DAW1: variants seen among roughly 807,000 people sequenced by gnomAD.
DAW1 encodes the protein dynein assembly factor with WD repeat domains 1.
DAW1 carries 47 observed loss-of-function variants against 56.5 expected under a neutral mutation model. That is an observed-to-expected ratio of 0.83 (90% CI 0.66 to 1.06). DAW1 has a LOEUF of 1.06. DAW1 is among the 50% of genes least tolerant of loss of function. The pLI, the probability that DAW1 is intolerant of heterozygous loss-of-function variation, is 0.00. For missense variants in DAW1, 505 were observed against 499.3 expected, an observed-to-expected ratio of 1.01 and a Z score of -0.11; for synonymous variants, 190 against 179.0, an observed-to-expected ratio of 1.06 and a Z score of -0.49.
chr2:227,875,959 T>C (rs1190859364), intron 1 of DAW1, among the ~76,000 whole-genome samples: 5 of 152,066 alleles, frequency 3.3e-5, no homozygotes, highest in Non-Finnish European at 1.5e-5. Context: ...CTTCCTGAAG[T>C]GTGAAAGGGC....
chr2:227,872,247 A>G (rs1456300977), intron 1 of DAW1: 2 of 150,054 alleles, frequency 1.3e-5, no homozygotes, highest in African/African-American at 4.9e-5. Context: ...TCTAATTCAG[A>G]ACTCGTCTTC....
chr2:227,917,886 A>T (rs1574673574), intron 10 of DAW1, among the ~76,000 whole-genome samples: 1 of 152,284 alleles, frequency 6.6e-6, no homozygotes, highest in East Asian at 1.9e-4. Flanking sequence ...ATGATATTTT[A>T]CTTTTCTCTG....
At chr2:227,893,114 A>T (rs1468958700) in intron 4 of DAW1, among the ~76,000 whole-genome samples, 2 of 151,926 alleles carry the variant, frequency 1.3e-5, no homozygotes, top group African/African-American at 2.4e-5. Context: ...CTAAAAATAA[A>T]AAAAAAAATT....
At chr2:227,894,173 G>A (rs752876174) in intron 5 of DAW1, among the ~76,000 whole-genome samples, 2 of 152,002 alleles carry the variant, frequency 1.3e-5, no homozygotes, top group African/African-American at 2.4e-5. Context: ...AGGCCGAGGC[G>A]GTGGATCACT....
chr2:227,892,137 A>C (rs918145955), intron 4 of DAW1, among the ~76,000 whole-genome samples: 7 of 147,398 alleles, frequency 4.7e-5, no homozygotes, highest in Non-Finnish European at 1.1e-4. Flanking sequence ...TAACTTAATA[A>C]TTTTTTTTTT....
In DAW1 at chr2:227,921,575, C is replaced by A; in HGVS notation, c.1213+14C>A. ...TAGTCATTACAGGTATGGAAGACAT[C>A]AACACCATAGACTCATTTTTTCTTG... On this transcript the variant is annotated intron_variant, in intron 12 of 12. Transcript: ENST00000309931. 1 of 1,608,496 alleles carries A rather than the reference C, an allele frequency of 6.2e-7. No homozygotes were observed. Among genetic ancestry groups the A allele is most frequent in the Non-Finnish European group, 8.5e-7 (1 of 1,176,710 alleles).
chr2:227,899,645 GA>G (rs1483221914), intron 6 of DAW1, among the ~76,000 whole-genome samples: 1 of 152,130 alleles, frequency 6.6e-6, no homozygotes, highest in East Asian at 1.9e-4. Flanking sequence ...ATATTCACTG[GA>G]AAAAAAGATA....
intron 2 of DAW1, 151 bp downstream of exon 2, chr2:227,885,574 G>A: frequency 2.0e-6 from 1 of 489,486 alleles, no homozygotes; most frequent in Non-Finnish European, 3.4e-6. Flanking sequence ...GTTTCAGGGA[G>A]TTGTATCTGA....
chr2:227,876,138 C>A (rs930236040), intron 1 of DAW1, among the ~76,000 whole-genome samples: 10 of 152,084 alleles, frequency 6.6e-5, no homozygotes, highest in Non-Finnish European at 1.2e-4. Context: ...GCCTCAGCCT[C>A]CTGAGTAGCT....
intron 1 of DAW1, among the ~76,000 whole-genome samples, chr2:227,881,366 CA>C (rs1233271032): frequency 6.6e-6 from 1 of 152,210 alleles, no homozygotes; most frequent in African/African-American, 2.4e-5. Flanking sequence ...GAACACAAAT[CA>C]CAGGCCTGCT....
intron 5 of DAW1, among the ~76,000 whole-genome samples, chr2:227,896,493 A>G (rs1178351809): frequency 2.0e-5 from 3 of 151,968 alleles, no homozygotes; most frequent in Non-Finnish European, 4.4e-5. Flanking sequence ...TCTTCGCCTG[A>G]TGATTTATGT....
intron 1 of DAW1, among the ~76,000 whole-genome samples, chr2:227,883,823 T>A (rs1241390571): frequency 6.6e-6 from 1 of 152,236 alleles, no homozygotes; most frequent in East Asian, 1.9e-4. Flanking sequence ...ACAAAAACTT[T>A]ATAAAAATAA....
chr2:227,874,557 C>T (rs1167195274), intron 1 of DAW1, among the ~76,000 whole-genome samples: 2 of 152,196 alleles, frequency 1.3e-5, no homozygotes, highest in Non-Finnish European at 2.9e-5. Context: ...GCTTCCAGGA[C>T]ACATATTCTA....
intron 1 of DAW1, among the ~76,000 whole-genome samples, chr2:227,878,527 GC>G (rs1446545779): frequency 6.6e-6 from 1 of 152,170 alleles, no homozygotes; most frequent in African/African-American, 2.4e-5. Context: ...TTGAAGACCA[GC>G]CTGAGAAACA....
intron 2 of DAW1, among the ~76,000 whole-genome samples, chr2:227,888,962 G>C (rs1183578022): frequency 6.6e-6 from 1 of 151,916 alleles, no homozygotes; most frequent in Non-Finnish European, 1.5e-5. Flanking sequence ...TTAAATTTAT[G>C]GTTAGGCATT....
intron 6 of DAW1, among the ~76,000 whole-genome samples, chr2:227,901,049 GAAAGATTA>G (rs1691531480): frequency 6.6e-6 from 1 of 152,198 alleles, no homozygotes; most frequent in African/African-American, 2.4e-5. Flanking sequence ...GTGCTCTTTG[GAAAGATTA>G]TTTCTGTGGC....
chr2:227,911,304 A>ATATATACATATATACACG (rs1300991258), intron 10 of DAW1, among the ~76,000 whole-genome samples: 1 of 128,424 alleles, frequency 7.8e-6, no homozygotes, highest in East Asian at 2.1e-4. Context: ...ATACACGTGT[A>ATATATACATATATACACG]TGTATAAGCA....
intron 2 of DAW1, among the ~76,000 whole-genome samples, chr2:227,886,451 T>C (rs895034278): frequency 3.9e-5 from 6 of 152,110 alleles, no homozygotes; most frequent in African/African-American, 1.4e-4. Context: ...ACTCCGTCTC[T>C]ACTAAAAATA....
intron 10 of DAW1, among the ~76,000 whole-genome samples, chr2:227,914,825 G>T (rs112457155): frequency 1.3e-5 from 2 of 151,940 alleles, no homozygotes; most frequent in African/African-American, 2.4e-5. Flanking sequence ...AGATAATGTC[G>T]TACTAATATA....
Sources: allele counts gnomAD v4.1 joint callset (sites outside exome capture counted in the v4.1 genomes callset), GRCh38; gene constraint gnomAD v4.1.1; transcripts MANE v1.5; gene names NCBI Gene and HGNC (gene_info 2026-07-23, HGNC 2026-07-21).